GIGYF2: variants seen among roughly 807,000 people sequenced by gnomAD.
The protein encoded by GIGYF2 is GRB10 interacting GYF protein 2.
Under a neutral mutation model 208.1 loss-of-function variants are expected in GIGYF2, and 25 were observed. That is an observed-to-expected ratio of 0.12 (90% CI 0.09 to 0.17). The LOEUF is 0.17. Ranked by LOEUF, GIGYF2 falls within the 10% of genes least tolerant of loss-of-function variation. The probability of loss-of-function intolerance (pLI) is 1.00; values close to 1 mark genes in which losing one functional copy is unlikely to be tolerated. For synonymous variants in GIGYF2, 534 were observed against 543.8 expected, an observed-to-expected ratio of 0.98 and a Z score of 0.25; for missense variants, 1,302 against 1,579.4, an observed-to-expected ratio of 0.82 and a Z score of 2.98.
At chr2:232,797,844 GGTGGCAT>G (rs941164843) in intron 14 of GIGYF2, among the ~76,000 whole-genome samples, 3 of 152,022 alleles carry the variant, frequency 2.0e-5, no homozygotes, top group African/African-American at 4.8e-5. Context: ...AGCTGGATGT[GGTGGCAT>G]GTGCCTGTAG....
At chr2:232,856,747 T>G in intron 28 of GIGYF2, 46 bp from the exon 29 acceptor site, 1 of 1,229,994 alleles carries the variant, frequency 8.1e-7, no homozygotes, top group Non-Finnish European at 1.2e-6. Flanking sequence ...TTTGAGCCGC[T>G]TGGTTGCCTG....
At chr2:232,784,428 C>G (rs1250575591) in intron 8 of GIGYF2, among the ~76,000 whole-genome samples, 1 of 112,228 alleles carries the variant, frequency 8.9e-6, no homozygotes, top group Non-Finnish European at 1.7e-5. Flanking sequence ...CTTGCTCTGT[C>G]ACCCAGGCTG....
chr2:232,730,127 GT>G (rs1174997538), intron 2 of GIGYF2: 1 of 1,493,180 alleles, frequency 6.7e-7, no homozygotes, highest in Non-Finnish European at 9.3e-7. Context: ...ACCCCTCGAT[GT>G]AGCTCTTGTC....
chr2:232,828,000 T>A (rs906044649), intron 21 of GIGYF2, among the ~76,000 whole-genome samples: 1 of 152,176 alleles, frequency 6.6e-6, no homozygotes, highest in African/African-American at 2.4e-5. Flanking sequence ...TCTTTTTCTT[T>A]TTTTTTGAGA....
At chr2:232,839,223 T>A (rs1375934018) in intron 22 of GIGYF2, among the ~76,000 whole-genome samples, 1 of 152,192 alleles carries the variant, frequency 6.6e-6, no homozygotes, top group Non-Finnish European at 1.5e-5. Context: ...TATTGAAATA[T>A]TCAGGACCTA....
At chr2:232,837,058 G>A (rs958054217) in intron 22 of GIGYF2, among the ~76,000 whole-genome samples, 1 of 152,192 alleles carries the variant, frequency 6.6e-6, no homozygotes. Flanking sequence ...GGCTTGGCCC[G>A]GCCAGCTGCA....
At chr2:232,728,718 C>G (rs539010905) in intron 2 of GIGYF2, among the ~76,000 whole-genome samples, 3 of 152,276 alleles carry the variant, frequency 2.0e-5, no homozygotes, top group Admixed American at 6.5e-5. Flanking sequence ...GTTAAAATGA[C>G]ACCCCTACTC....
chr2:232,743,807 C>T (rs1698053983), intron 3 of GIGYF2, among the ~76,000 whole-genome samples: 1 of 152,148 alleles, frequency 6.6e-6, no homozygotes, highest in Non-Finnish European at 1.5e-5. Flanking sequence ...CTTTTCATAG[C>T]ACCTGAAGGA....
At chr2:232,789,208 C>T (rs1342853862) in intron 9 of GIGYF2, among the ~76,000 whole-genome samples, 1 of 152,032 alleles carries the variant, frequency 6.6e-6, no homozygotes, top group African/African-American at 2.4e-5. Flanking sequence ...TTATGAACTA[C>T]TGATAAGATA....
intron 3 of GIGYF2, among the ~76,000 whole-genome samples, chr2:232,745,735 G>A (rs965328635): frequency 1.3e-5 from 2 of 152,090 alleles, no homozygotes; most frequent in African/African-American, 4.8e-5. Flanking sequence ...AGTGAACTTA[G>A]GGAACCAAGC....
At chr2:232,767,377 T>C (rs903781626) in intron 8 of GIGYF2, 1 of 152,304 alleles carries the variant, frequency 6.6e-6, no homozygotes, top group Non-Finnish European at 1.5e-5. Flanking sequence ...GAATCATACA[T>C]AGGAGGGGAA....
chr2:232,722,681 G>A (rs1164143437), intron 2 of GIGYF2: 2 of 152,114 alleles, frequency 1.3e-5, no homozygotes, highest in Non-Finnish European at 2.9e-5. Flanking sequence ...TATCAATGTT[G>A]GTTTCTTAGT....
intron 21 of GIGYF2, among the ~76,000 whole-genome samples, chr2:232,830,407 CATTTT>C (rs1701394469): frequency 6.6e-6 from 1 of 152,090 alleles, no homozygotes; most frequent in Non-Finnish European, 1.5e-5. Flanking sequence ...ACCCCCAAAT[CATTTT>C]ATTTAATGTT....
intron 5 of GIGYF2, among the ~76,000 whole-genome samples, chr2:232,750,598 T>C (rs1448312343): frequency 2.0e-5 from 3 of 152,252 alleles, no homozygotes; most frequent in Non-Finnish European, 4.4e-5. Context: ...TTTCTTTGCC[T>C]GTAGCAGTAA....
chr2:232,797,523 G>A (rs1188418174), intron 14 of GIGYF2, among the ~76,000 whole-genome samples: 4 of 149,974 alleles, frequency 2.7e-5, no homozygotes, highest in Admixed American at 2.0e-4. Context: ...GTGTGTGTGT[G>A]TGTTTTAACC....
intron 22 of GIGYF2, 89 bp from the exon 23 acceptor site, chr2:232,839,760 T>G: frequency 1.5e-6 from 2 of 1,308,890 alleles, no homozygotes; most frequent in Non-Finnish European, 2.2e-6. Context: ...GAGAAATGCA[T>G]TTGTTCTGGG....
intron 8 of GIGYF2, among the ~76,000 whole-genome samples, chr2:232,778,747 G>A (rs1403733908): frequency 1.3e-5 from 2 of 152,200 alleles, no homozygotes; most frequent in African/African-American, 4.8e-5. Flanking sequence ...GAATAGGGAT[G>A]TGGAGGTCCT....
intron 8 of GIGYF2, chr2:232,768,041 G>A (rs1699046167): frequency 1.5e-5 from 11 of 720,526 alleles, no homozygotes; most frequent in Non-Finnish European, 2.6e-5. Context: ...TGTATTGTTA[G>A]CTCAGCCATT....
At chr2:232,703,062 A>T (rs74726031) in intron 1 of GIGYF2, among the ~76,000 whole-genome samples, 2,327 of 152,302 alleles carry the variant, frequency 0.015, 67 homozygotes, top group African/African-American at 0.053. Context: ...TTAGGATTAC[A>T]GGCATGACCC....
Sources: allele counts gnomAD v4.1 joint callset (sites outside exome capture counted in the v4.1 genomes callset), GRCh38; gene constraint gnomAD v4.1.1; transcripts MANE v1.5; gene names NCBI Gene and HGNC (gene_info 2026-07-23, HGNC 2026-07-21).